CEP70: variants seen among roughly 807,000 people sequenced by gnomAD.
CEP70 encodes the protein centrosomal protein of 70 kDa.
CEP70 carries 70 observed loss-of-function variants against 90.9 expected under a neutral mutation model. The observed-to-expected ratio is 0.77, with a 90% confidence interval of 0.64 to 0.94. The LOEUF (loss-of-function observed/expected upper bound fraction) is 0.94. Among genes scored for constraint, CEP70 ranks in the 40% least tolerant of loss-of-function variants. The probability of loss-of-function intolerance (pLI) is 0.00; values close to 1 mark genes in which losing one functional copy is unlikely to be tolerated. For synonymous variants in CEP70, 220 were observed against 228.3 expected, an observed-to-expected ratio of 0.96 and a Z score of 0.33; for missense variants, 648 against 669.0, an observed-to-expected ratio of 0.97 and a Z score of 0.35.
chr3:138,499,069 G>GA (rs1479178641), intron 16 of CEP70, among the ~76,000 whole-genome samples: 2 of 151,500 alleles, frequency 1.3e-5, no homozygotes, highest in Non-Finnish European at 2.9e-5. Flanking sequence ...AAGAAAAAAA[G>GA]AAAAAAAATC....
intron 6 of CEP70, among the ~76,000 whole-genome samples, chr3:138,543,803 C>CA (rs933791537): frequency 9.9e-5 from 15 of 150,784 alleles, no homozygotes; most frequent in Admixed American, 2.0e-4. Context: ...GACCCTATCT[C>CA]AAAAAAAAGA....
chr3:138,542,352 A>G (rs994141104), intron 6 of CEP70, among the ~76,000 whole-genome samples: 9 of 152,200 alleles, frequency 5.9e-5, no homozygotes, highest in African/African-American at 2.2e-4. Flanking sequence ...AGGCCCAAAG[A>G]GGGTGTTAGA....
chr3:138,554,347 T>C (rs1417740587), intron 6 of CEP70, among the ~76,000 whole-genome samples: 1 of 152,256 alleles, frequency 6.6e-6, no homozygotes, highest in East Asian at 1.9e-4. Flanking sequence ...AAGCATTCCC[T>C]TTGAGAACTG....
intron 11 of CEP70, among the ~76,000 whole-genome samples, chr3:138,520,587 G>T (rs558146747): frequency 6.6e-6 from 1 of 152,086 alleles, no homozygotes; most frequent in East Asian, 1.9e-4. Context: ...ATGACTACTG[G>T]GTACATAACA....
At chr3:138,495,134 C>A in intron 17 of CEP70, 58 bp from the exon 18 acceptor site, 1 of 1,037,516 alleles carries the variant, frequency 9.6e-7, no homozygotes, top group Non-Finnish European at 1.5e-6. Flanking sequence ...GGTAAACTCA[C>A]ATGAAACAAG....
At chr3:138,500,029 C>T in intron 16 of CEP70, 81 bp downstream of exon 16, 1 of 932,124 alleles carries the variant, frequency 1.1e-6, no homozygotes, top group Admixed American at 1.7e-5. Flanking sequence ...ACATCAGCCT[C>T]CCAAGTAGCT....
At chr3:138,549,005 G>A (rs2039423956) in intron 6 of CEP70, among the ~76,000 whole-genome samples, 1 of 152,120 alleles carries the variant, frequency 6.6e-6, no homozygotes, top group African/African-American at 2.4e-5. Flanking sequence ...TCAAATTAGA[G>A]AGCTGAGCAA....
intron 6 of CEP70, among the ~76,000 whole-genome samples, chr3:138,548,832 A>G (rs2039410430): frequency 3.9e-5 from 6 of 152,206 alleles, no homozygotes; most frequent in Admixed American, 3.3e-4. Flanking sequence ...CCTCTGAAAG[A>G]AGCAGACTGC....
intron 2 of CEP70, among the ~76,000 whole-genome samples, chr3:138,581,962 A>G (rs1471852811): frequency 2.0e-5 from 3 of 152,168 alleles, no homozygotes; most frequent in Non-Finnish European, 4.4e-5. Flanking sequence ...CAAGAGTGGC[A>G]TGACATATTT....
chr3:138,570,280 A>G lies in CEP70; in HGVS notation c.465+38T>C, dbSNP rs748665047. 4 of 1,381,192 alleles carry G rather than the reference A, an allele frequency of 2.9e-6. No individual in the cohort carries two copies. In the African/African-American group the frequency reaches 5.9e-5, roughly 20 times the overall value. The allele number at this position is 1,381,192 out of a possible 1,614,324, so 85.6% of individuals were successfully genotyped here. A position where few individuals can be genotyped will look rare whatever the true frequency, so the allele number is the denominator to read the frequency against. On this transcript the variant is annotated intron_variant, in intron 6 of 17. Coordinates refer to ENST00000264982, the MANE Select transcript of CEP70 (RefSeq NM_024491.4). ...TGGGACCATAATGAGCTGTTTTAGTACTAACTAACCATCATCTAAGAATTC... is the reference window on the plus strand; with the variant it reads ...TGGGACCATAATGAGCTGTTTTAGTGCTAACTAACCATCATCTAAGAATTC...
rs2034628297 is a variant in CEP70 at position 138,502,733 on chromosome 3, T to C, written c.1222-1852A>G. On this transcript the variant is annotated intron_variant, in intron 13 of 17. Coordinates refer to ENST00000264982, the MANE Select transcript of CEP70 (RefSeq NM_024491.4). The stretch of plus-strand genomic sequence containing the variant: ...GTCTCCTAAGCAGTGACAGGATGGT[T>C]GTAGCACAGTCCATCAAGTAAGCTC... Among the ~76,000 whole-genome samples the C allele has an allele frequency of 2.0e-5, 3 of 152,182 alleles. No homozygotes were observed. In the South Asian group the frequency reaches 6.2e-4, roughly 32 times the overall value.
chr3:138,562,227 G>T (rs1206774598), intron 6 of CEP70, among the ~76,000 whole-genome samples: 1 of 152,112 alleles, frequency 6.6e-6, no homozygotes, highest in African/African-American at 2.4e-5. Context: ...ATCTACGTTT[G>T]ATTATTGTAC....
chr3:138,540,609 G>GCAAGT (rs2107840958), intron 6 of CEP70, among the ~76,000 whole-genome samples: 1 of 152,054 alleles, frequency 6.6e-6, no homozygotes, highest in Non-Finnish European at 1.5e-5. Flanking sequence ...GCAAGGCAAG[G>GCAAGT]TTGCAGAGGA....
intron 11 of CEP70, among the ~76,000 whole-genome samples, chr3:138,524,942 C>T (rs1241679330): frequency 6.6e-6 from 1 of 152,192 alleles, no homozygotes; most frequent in Non-Finnish European, 1.5e-5. Flanking sequence ...ATAAATCATG[C>T]TGCTATAAAG....
intron 6 of CEP70, among the ~76,000 whole-genome samples, chr3:138,544,196 C>T (rs1001928657): frequency 9.3e-5 from 14 of 151,208 alleles, no homozygotes; most frequent in Admixed American, 9.2e-4. Context: ...CTCATGGTAA[C>T]TACAAAGCAA....
At chr3:138,496,145 A>G in intron 17 of CEP70, 2 of 985,456 alleles carry the variant, frequency 2.0e-6, no homozygotes, top group Non-Finnish European at 1.2e-6. Flanking sequence ...CAGGTTCTCT[A>G]GATACCCACA....
At position 138,514,234 on chromosome 3, in the gene CEP70, G is replaced by A. The variant is rs138712606; in HGVS notation, c.945-5690C>T. 4.7e-3 allele frequency among the ~76,000 whole-genome samples: 720 copies of A among 152,180 alleles called. 4 individuals are homozygous for A. The highest frequency in any genetic ancestry group is 0.017 in the African/African-American group (693 of 41,518). The stretch of plus-strand genomic sequence containing the variant: ...CTGTCTCTGTTGGAATTTCGTCAAG[G>A]CTCCTGGCCCCAAGTTGTAACCTCT... On this transcript the variant is annotated intron_variant, in intron 11 of 17. Coordinates refer to ENST00000264982, the MANE Select transcript of CEP70 (RefSeq NM_024491.4).
At chr3:138,560,473 GTT>G (rs373625946) in intron 6 of CEP70, among the ~76,000 whole-genome samples, 1 of 144,384 alleles carries the variant, frequency 6.9e-6, no homozygotes. Flanking sequence ...AGGAGTTTTT[GTT>G]TTTTTTTTTT....
In CEP70 at chr3:138,582,623, C is replaced by A. The variant is rs1370227098; in HGVS notation, c.-6+9231G>T. Among the ~76,000 whole-genome samples, 3 of 145,502 alleles carry A rather than the reference C, an allele frequency of 2.1e-5. No individual in the cohort carries two copies. The East Asian group carries it at 6.3e-4, about 30-fold the overall frequency. ...CATCTCTACTAAAAATACAAAAATT[C>A]TCTGGTGGCGTGTGCCTGTAGTCCC... is the stretch of plus-strand genomic sequence containing the variant. On this transcript the variant is annotated intron_variant, in intron 2 of 17. Transcript: ENST00000264982.
Sources: gnomAD v4.1 joint callset for allele counts (sites outside exome capture counted in the v4.1 genomes callset) on GRCh38, gnomAD v4.1.1 for gene constraint, MANE v1.5 for transcripts, NCBI Gene and HGNC (gene_info 2026-07-23, HGNC 2026-07-21) for gene names.